FAM120C: variants seen among roughly 807,000 people sequenced by gnomAD.
The protein encoded by FAM120C is constitutive coactivator of PPAR-gamma-like protein 2.
A neutral mutation model predicts 71.2 loss-of-function variants in FAM120C; 14 were observed. The ratio of observed to expected loss-of-function variants is 0.20; its 90% confidence interval spans 0.13 to 0.31. The LOEUF (loss-of-function observed/expected upper bound fraction) is 0.31. Among genes scored for constraint, FAM120C ranks in the 10% least tolerant of loss-of-function variants. The probability of loss-of-function intolerance (pLI) is 1.00; values close to 1 mark genes in which losing one functional copy is unlikely to be tolerated. For synonymous variants in FAM120C, 354 were observed against 353.2 expected, an observed-to-expected ratio of 1.00 and a Z score of -0.03; for missense variants, 500 against 879.0, an observed-to-expected ratio of 0.57 and a Z score of 5.45.
chrX:54,127,390 G>C (rs1488268795), intron 9 of FAM120C, among the ~76,000 whole-genome samples: 1 of 108,374 alleles, frequency 9.2e-6, no homozygotes, highest in African/African-American at 3.4e-5. Flanking sequence ...AGGAGATCGA[G>C]ACCATCCTGG....
intron 1 of FAM120C, among the ~76,000 whole-genome samples, chrX:54,166,791 C>G (rs1054966486): frequency 9.0e-6 from 1 of 111,568 alleles, no homozygotes; most frequent in African/African-American, 3.3e-5. Context: ...AAAGAATACA[C>G]AATGAACTGA....
chrX:54,153,140 C>T (rs2067192053), intron 3 of FAM120C, among the ~76,000 whole-genome samples: 1 of 111,643 alleles, frequency 9.0e-6, no homozygotes, highest in African/African-American at 3.3e-5. Flanking sequence ...TAATTGTTTT[C>T]TAAACAATCC....
rs782631046 is a variant in FAM120C, at chrX:54,110,190, G to A, written c.2312+6355C>T. Among the ~76,000 whole-genome samples the A allele has an allele frequency of 1.6e-4, 17 of 107,084 alleles. No homozygotes were observed. The East Asian group carries it at 4.8e-3, about 30-fold the overall frequency. The allele number at this position is 107,084 out of a possible 115,157, so 93.0% of individuals were successfully genotyped here. On this transcript the variant is annotated intron_variant, in intron 10 of 15. Coordinates refer to ENST00000375180, the MANE Select transcript of FAM120C (RefSeq NM_017848.6). ...TTTTTAGTAGAGACGAGGTTTCACC[G>A]TGTTAGCCAGGATGGTCTCGATCTC...
chrX:54,117,631 G>A (rs1191717125), intron 9 of FAM120C, among the ~76,000 whole-genome samples: 4 of 107,761 alleles, frequency 3.7e-5, no homozygotes, highest in Non-Finnish European at 7.7e-5. Flanking sequence ...CTGGGAGGCG[G>A]AGATTGCAGT....
At chrX:54,142,747 C>G (rs1218753357) in intron 4 of FAM120C, among the ~76,000 whole-genome samples, 1 of 111,659 alleles carries the variant, frequency 9.0e-6, no homozygotes, top group African/African-American at 3.3e-5. Context: ...GTAGTGGTTC[C>G]CCCAGCACAG....
chrX:54,183,156 G>T lies in FAM120C; in HGVS notation c.43C>A (p.Pro15Thr). Reference protein sequence around the residue: ...GFQEFLEKRCPGAVVPVDLLK... With the variant: ...GFQEFLEKRCTGAVVPVDLLK... ...AGGTCCACGGGCACCACGGCCCCGGGACAGCGCTTCTCCAGGAACTCTTGG... is the reference window on the plus strand; with the variant it reads ...AGGTCCACGGGCACCACGGCCCCGGTACAGCGCTTCTCCAGGAACTCTTGG... Residue 15 changes from proline to threonine, a missense_variant, in exon 1 of 16, where the codon CCC (proline) becomes ACC (threonine). This residue lies in a region of FAM120C where 12 missense variants were observed against 30.3 expected (regional missense o/e 0.40). Transcript: ENST00000375180. The T allele has an allele frequency of 8.7e-7, 1 of 1,148,143 alleles. No individual in the cohort carries two copies. The allele number at this position is 1,148,143 out of a possible 1,213,427, so 94.6% of individuals were successfully genotyped here. A position where few individuals can be genotyped will look rare whatever the true frequency, so the allele number is the denominator to read the frequency against.
intron 10 of FAM120C, among the ~76,000 whole-genome samples, chrX:54,105,755 A>G (rs1157273039): frequency 2.7e-5 from 3 of 111,668 alleles, no homozygotes; most frequent in African/African-American, 9.7e-5. Flanking sequence ...AAGCATTCCT[A>G]TACACCAATA....
chrX:54,102,494 G>A (rs782300186), intron 10 of FAM120C, among the ~76,000 whole-genome samples: 2 of 41,761 alleles, frequency 4.8e-5, no homozygotes, highest in South Asian at 1.3e-3. Flanking sequence ...GGCTGATCAC[G>A]CTCATGTGCT....
Position 54,083,720 on chromosome X carries a change from TTTTG to T in FAM120C, c.2839+1991_2839+1994del, listed in dbSNP as rs1390355896. ...CAAGGAACTAGAGTGCTAGTTACCT[TTTTG>T]TTTGTTTGTTTGACACAGAGCCTCG... On this transcript the variant is annotated intron_variant, in intron 13 of 15. Coordinates refer to ENST00000375180, the MANE Select transcript of FAM120C (RefSeq NM_017848.6). 2.7e-5 allele frequency among the ~76,000 whole-genome samples: 3 copies of T among 110,728 alleles called. No individual in the cohort carries two copies. In the East Asian group the frequency reaches 8.6e-4, roughly 32 times the overall value.
chrX:54,080,520 AATTTATT>A (rs1393446802), intron 14 of FAM120C, among the ~76,000 whole-genome samples: 3 of 112,000 alleles, frequency 2.7e-5, no homozygotes, highest in African/African-American at 9.7e-5. Flanking sequence ...AAGGCAGGGC[AATTTATT>A]ATTTATTTGC....
chrX:54,088,494 A>G (rs1366540574), intron 11 of FAM120C, among the ~76,000 whole-genome samples: 2 of 93,333 alleles, frequency 2.1e-5, no homozygotes, highest in Non-Finnish European at 4.1e-5. Flanking sequence ...AGGGAGGCTG[A>G]GGTGGGAGCA....
At chrX:54,140,957 A>G (rs944224364) in intron 4 of FAM120C, among the ~76,000 whole-genome samples, 2 of 110,025 alleles carry the variant, frequency 1.8e-5, no homozygotes, top group African/African-American at 3.3e-5. Flanking sequence ...AAAAAAAAAG[A>G]AAGAAAGAAA....
intron 10 of FAM120C, among the ~76,000 whole-genome samples, chrX:54,103,310 T>C (rs189837818): frequency 7.2e-5 from 8 of 111,475 alleles, no homozygotes; most frequent in Non-Finnish European, 1.3e-4. Flanking sequence ...GTCACCAAGA[T>C]AGTTACTGTC....
chrX:54,135,001 A>G lies in FAM120C; in HGVS notation c.1446T>C (p.Ser482=), dbSNP rs1557130200. 1 of 1,212,036 alleles carries G rather than the reference A, an allele frequency of 8.3e-7. No individual in the cohort carries two copies. Among genetic ancestry groups the G allele is most frequent in the Non-Finnish European group, 1.1e-6 (1 of 895,557 alleles). ...SHALGESHAF[S]EDPMLQNSPF... Reference sequence around the variant, plus strand: ...GGCTGTTCTGCAGCATGGGATCCTCAGAAAAAGCATGGGATTCCCCCAAAG... The same window carrying G: ...GGCTGTTCTGCAGCATGGGATCCTCGGAAAAAGCATGGGATTCCCCCAAAG... The change falls in exon 7 of 16, where the codon TCT becomes TCC. Residue 482 remains serine (S), a synonymous_variant. Transcript: ENST00000375180.
rs1285996878 is a variant in FAM120C at position 54,085,891 on chromosome X, T to C, written c.2663A>G (p.Lys888Arg). 1 of 1,209,688 alleles carries C rather than the reference T, an allele frequency of 8.3e-7. No homozygotes were observed. The highest frequency in any genetic ancestry group is 1.1e-6 in the Non-Finnish European group (1 of 895,037). ...GQADLATKVE[K>R]MRQSILEGVN... ...TCCTTCAAGGATGCTCTGTCTCATC[T>C]TTTCCACTTTGGTTGCCAGGTCAGC... The change falls in exon 13 of 16, where the codon AAG becomes AGG. Residue 888 changes from lysine to arginine, a missense_variant. Physicochemically the swap from Lys to Arg is conservative, Grantham distance 26. Coordinates refer to ENST00000375180, the MANE Select transcript of FAM120C (RefSeq NM_017848.6).
chrX:54,180,528 G>T (rs1431361876), intron 1 of FAM120C, among the ~76,000 whole-genome samples: 1 of 112,544 alleles, frequency 8.9e-6, no homozygotes, highest in African/African-American at 3.2e-5. Context: ...AAATAAAAAA[G>T]TAAGTGAATG....
chrX:54,153,821 C>T (rs1281188879), intron 3 of FAM120C, among the ~76,000 whole-genome samples: 3 of 110,171 alleles, frequency 2.7e-5, no homozygotes, highest in African/African-American at 9.9e-5. Flanking sequence ...CCGCCTTGGC[C>T]TCCCAAAGTG....
chrX:54,129,343 GGTC>G (rs1557128802), intron 9 of FAM120C, among the ~76,000 whole-genome samples: 1 of 108,667 alleles, frequency 9.2e-6, no homozygotes, highest in African/African-American at 3.3e-5. Context: ...TCCCAGACGG[GGTC>G]GCAGCCGGGC....
chrX:54,080,008 T>C (rs1013105134), intron 15 of FAM120C, among the ~76,000 whole-genome samples: 8 of 110,391 alleles, frequency 7.2e-5, no homozygotes, highest in Non-Finnish European at 1.5e-4. Flanking sequence ...CTGGTTTCTA[T>C]CTTGTGGCCT....
Sources: allele counts gnomAD v4.1 joint callset (sites outside exome capture counted in the v4.1 genomes callset), GRCh38; gene constraint gnomAD v4.1.1; regional missense constraint gnomAD v4.1.1; transcripts MANE v1.5; gene names NCBI Gene and HGNC (gene_info 2026-07-23, HGNC 2026-07-21).